The following EPHA3 variants were observed in gnomAD, a reference collection of about 807,000 sequenced individuals.
EPHA3 encodes EPH receptor A3.
Under a neutral mutation model 107.1 loss-of-function variants are expected in EPHA3, and 42 were observed. That is an observed-to-expected ratio of 0.39 (90% CI 0.31 to 0.51). EPHA3 has a LOEUF of 0.51. Ranked by LOEUF, EPHA3 falls within the 20% of genes least tolerant of loss-of-function variation. The pLI, the probability that EPHA3 is intolerant of heterozygous loss-of-function variation, is 0.78. For synonymous variants in EPHA3, 461 were observed against 424.8 expected (o/e 1.09, Z -1.05); for missense variants, 1,183 against 1,211.2 (o/e 0.98, Z 0.35).
chr3:89,219,688 G>GTTTTTTTTAT (rs1704308348), intron 3 of EPHA3, among the ~76,000 whole-genome samples: 1 of 34,440 alleles, frequency 2.9e-5, no homozygotes, highest in Non-Finnish European at 5.2e-5. Context: ...ATTTGGCAAT[G>GTTTTTTTTAT]TTTTTTTTTT....
chr3:89,384,201 T>C (rs1425255012), intron 5 of EPHA3, among the ~76,000 whole-genome samples: 1 of 152,102 alleles, frequency 6.6e-6, no homozygotes, highest in Non-Finnish European at 1.5e-5. Flanking sequence ...TTTTAAAGTT[T>C]CTACTTTGTC....
chr3:89,192,612 A>G (rs764585276), intron 2 of EPHA3, among the ~76,000 whole-genome samples: 10 of 152,086 alleles, frequency 6.6e-5, no homozygotes, highest in Non-Finnish European at 7.4e-5. Context: ...GCCTTCTGGT[A>G]TACTTATAAA....
intron 15 of EPHA3, among the ~76,000 whole-genome samples, chr3:89,471,812 G>A (rs1710409648): frequency 2.0e-5 from 3 of 151,902 alleles, no homozygotes; most frequent in Admixed American, 1.3e-4. Flanking sequence ...CATATATAAT[G>A]TATATATCAT....
intron 3 of EPHA3, among the ~76,000 whole-genome samples, chr3:89,322,606 G>T (rs1318483011): frequency 6.6e-6 from 1 of 152,108 alleles, no homozygotes; most frequent in Non-Finnish European, 1.5e-5. Context: ...GTGTTTGCTA[G>T]TGCATGTGGC....
At chr3:89,382,891 G>T (rs1213038331) in intron 5 of EPHA3, among the ~76,000 whole-genome samples, 2 of 152,138 alleles carry the variant, frequency 1.3e-5, no homozygotes, top group Non-Finnish European at 2.9e-5. Flanking sequence ...GAATTGACTA[G>T]CCCTAGAAGA....
At chr3:89,212,196 A>T (rs537218483) in intron 3 of EPHA3, among the ~76,000 whole-genome samples, 23 of 152,152 alleles carry the variant, frequency 1.5e-4, no homozygotes, top group South Asian at 1.0e-3. Context: ...TAAATACATT[A>T]TCTCTCATAT....
At chr3:89,121,266 AATTAT>A (rs1429624463) in intron 1 of EPHA3, among the ~76,000 whole-genome samples, 1 of 152,024 alleles carries the variant, frequency 6.6e-6, no homozygotes, top group Non-Finnish European at 1.5e-5. Context: ...AAATAAAATA[AATTAT>A]TACATCATAA....
intron 13 of EPHA3, among the ~76,000 whole-genome samples, chr3:89,432,810 C>A (rs1180272897): frequency 2.6e-5 from 4 of 151,920 alleles, no homozygotes; most frequent in Non-Finnish European, 4.4e-5. Flanking sequence ...AAAATGATTT[C>A]AACATACCGA....
intron 3 of EPHA3, among the ~76,000 whole-genome samples, chr3:89,232,968 T>G (rs1704672509): frequency 6.6e-6 from 1 of 152,154 alleles, no homozygotes; most frequent in South Asian, 2.1e-4. Context: ...CTTTTCATGG[T>G]GTCAGAAAAT....
At chr3:89,386,743 C>T (rs1238894697) in intron 5 of EPHA3, among the ~76,000 whole-genome samples, 1 of 152,180 alleles carries the variant, frequency 6.6e-6, no homozygotes, top group African/African-American at 2.4e-5. Flanking sequence ...TCAACACCAG[C>T]CCATGAAAGT....
chr3:89,449,099 C>A, intron 13 of EPHA3, 126 bp from the exon 14 acceptor site: 1 of 878,418 alleles, frequency 1.1e-6, no homozygotes, highest in Non-Finnish European at 1.6e-6. Context: ...AAATGTTTCA[C>A]AGAAATGCAT....
chr3:89,350,409 C>T (rs1185342290), intron 5 of EPHA3, among the ~76,000 whole-genome samples: 4 of 151,472 alleles, frequency 2.6e-5, no homozygotes, highest in South Asian at 4.2e-4. Flanking sequence ...TTGATCACAT[C>T]GTCTCCTGAG....
chr3:89,247,810 A>T (rs1705071091), intron 3 of EPHA3, among the ~76,000 whole-genome samples: 1 of 152,178 alleles, frequency 6.6e-6, no homozygotes, highest in Non-Finnish European at 1.5e-5. Flanking sequence ...CAGATTTATG[A>T]TCTTCATTGA....
At chr3:89,421,302 C>T (rs1576369523) in intron 11 of EPHA3, among the ~76,000 whole-genome samples, 1 of 150,412 alleles carries the variant, frequency 6.6e-6, no homozygotes. Context: ...CTTAATTTAC[C>T]AATGTTGAAA....
At chr3:89,317,267 G>A (rs955536823) in intron 3 of EPHA3, among the ~76,000 whole-genome samples, 3 of 151,682 alleles carry the variant, frequency 2.0e-5, no homozygotes, top group African/African-American at 7.3e-5. Flanking sequence ...AACTCACTAG[G>A]TTTATCAGCT....
intron 3 of EPHA3, among the ~76,000 whole-genome samples, chr3:89,277,701 T>C (rs1430917636): frequency 6.6e-6 from 1 of 152,170 alleles, no homozygotes; most frequent in East Asian, 1.9e-4. Context: ...TTTGTCATAA[T>C]ATGATGCCCT....
intron 3 of EPHA3, among the ~76,000 whole-genome samples, chr3:89,317,870 T>C (rs1169690166): frequency 6.6e-6 from 1 of 151,810 alleles, no homozygotes; most frequent in Non-Finnish European, 1.5e-5. Flanking sequence ...ACATAAGCAA[T>C]AGTCTTTGAG....
Position 89,341,084 on chromosome 3 carries a change from G to C in EPHA3, c.970+13G>C. The C allele has an allele frequency of 6.2e-7, 1 of 1,609,746 alleles. No homozygotes were observed. The highest frequency in any genetic ancestry group is 2.2e-5 in the East Asian group (1 of 44,800). ...ATGGCTTGTACCCGTGAGTAGTTTT[G>C]CTGCAACCCATGCCTCCATGTTTGT... On this transcript the variant is annotated intron_variant, in intron 4 of 16. Transcript: ENST00000336596.
At chr3:89,210,580 G>C in intron 3 of EPHA3, 60 bp downstream of exon 3, 1 of 1,463,434 alleles carries the variant, frequency 6.8e-7, no homozygotes, top group South Asian at 1.5e-5. Context: ...TTATCATAGT[G>C]TCATTAAATG....
Sources: allele counts gnomAD v4.1 joint callset (sites outside exome capture counted in the v4.1 genomes callset), GRCh38; gene constraint gnomAD v4.1.1; transcripts MANE v1.5; gene names NCBI Gene and HGNC (gene_info 2026-07-23, HGNC 2026-07-21).